NAALADL2: variants seen among roughly 807,000 people sequenced by gnomAD.
NAALADL2 encodes N-acetylated alpha-linked acidic dipeptidase like 2.
Under a neutral mutation model 87.2 loss-of-function variants are expected in NAALADL2, and 76 were observed. The ratio of observed to expected loss-of-function variants is 0.87; its 90% CI spans 0.72 to 1.05. The LOEUF (loss-of-function observed/expected upper bound fraction) is 1.05, where lower values mean the gene tolerates loss of function less well. NAALADL2 is among the 50% of genes least tolerant of loss of function. The pLI is 0.00. For missense variants in NAALADL2, 1,089 were observed against 945.8 expected, an observed-to-expected ratio of 1.15 and a Z score of -1.99; for synonymous variants, 354 against 331.0, an observed-to-expected ratio of 1.07 and a Z score of -0.75.
intron 13 of NAALADL2, among the ~76,000 whole-genome samples, chr3:175,780,059 T>G (rs906211219): frequency 1.9e-4 from 29 of 151,056 alleles, no homozygotes; most frequent in Non-Finnish European, 3.2e-4. Context: ...ACGAGGTCAG[T>G]AGATCGAGAC....
At chr3:175,475,445 C>A (rs1489377564) in intron 9 of NAALADL2, among the ~76,000 whole-genome samples, 5 of 152,108 alleles carry the variant, frequency 3.3e-5, no homozygotes, top group Non-Finnish European at 7.4e-5. Context: ...TTTTCTAGAT[C>A]ACAGAATGTA....
intron 1 of NAALADL2, among the ~76,000 whole-genome samples, chr3:174,894,436 CA>C (rs925362233): frequency 6.6e-6 from 1 of 150,402 alleles, no homozygotes; most frequent in Admixed American, 6.6e-5. Flanking sequence ...GCTAAAAATA[CA>C]AAAAAAATTA....
chr3:174,556,298 T>C (rs1712810305), intron 2 of NAALADL2, among the ~76,000 whole-genome samples: 1 of 152,246 alleles, frequency 6.6e-6, no homozygotes, highest in South Asian at 2.1e-4. Context: ...CTTATATGAG[T>C]AAAGATCCTG....
chr3:175,157,872 C>T (rs1019270877), intron 2 of NAALADL2, among the ~76,000 whole-genome samples: 1 of 152,012 alleles, frequency 6.6e-6, no homozygotes, highest in African/African-American at 2.4e-5. Context: ...ATACAGAATT[C>T]ATTTCCTACC....
At chr3:175,137,811 A>T (rs531870503) in intron 2 of NAALADL2, among the ~76,000 whole-genome samples, 1 of 151,698 alleles carries the variant, frequency 6.6e-6, no homozygotes, top group Non-Finnish European at 1.5e-5. Context: ...TTTAATAGAG[A>T]TGGGGTTTCG....
At chr3:174,613,855 G>T (rs913337547) in intron 2 of NAALADL2, among the ~76,000 whole-genome samples, 1 of 152,190 alleles carries the variant, frequency 6.6e-6, no homozygotes, top group African/African-American at 2.4e-5. Context: ...CCTGGGTATT[G>T]CTGCTGGTTA....
intron 1 of NAALADL2, among the ~76,000 whole-genome samples, chr3:174,522,473 T>A (rs1720363014): frequency 6.6e-6 from 1 of 151,808 alleles, no homozygotes; most frequent in African/African-American, 2.4e-5. Flanking sequence ...CCAGCTTGGA[T>A]AACATAGACT....
intron 11 of NAALADL2, among the ~76,000 whole-genome samples, chr3:175,633,151 T>C (rs1174910941): frequency 6.6e-6 from 1 of 152,076 alleles, no homozygotes; most frequent in African/African-American, 2.4e-5. Context: ...AAAAGAGTAT[T>C]CACCCAATCA....
At chr3:174,471,956 T>C (rs1383284374) in intron 1 of NAALADL2, among the ~76,000 whole-genome samples, 3 of 152,158 alleles carry the variant, frequency 2.0e-5, no homozygotes, top group African/African-American at 7.2e-5. Context: ...TCCTTTTATA[T>C]GATCTCACAA....
chr3:175,034,239 A>T (rs563166621), intron 1 of NAALADL2, among the ~76,000 whole-genome samples: 4 of 152,162 alleles, frequency 2.6e-5, no homozygotes, highest in South Asian at 2.1e-4. Flanking sequence ...CTGCTTTTTT[A>T]AAAAAAGCTT....
At chr3:174,860,622 T>C (rs190313407) in intron 1 of NAALADL2, among the ~76,000 whole-genome samples, 47 of 152,246 alleles carry the variant, frequency 3.1e-4, no homozygotes, top group African/African-American at 1.1e-3. Context: ...TTACATTAAA[T>C]GTTTATTACT....
At chr3:174,964,189 A>C (rs1742545529) in intron 1 of NAALADL2, among the ~76,000 whole-genome samples, 1 of 152,138 alleles carries the variant, frequency 6.6e-6, no homozygotes, top group Non-Finnish European at 1.5e-5. Context: ...GCCTGGCACC[A>C]TTTAAAGCAC....
intron 2 of NAALADL2, among the ~76,000 whole-genome samples, chr3:174,699,837 C>T (rs1380073931): frequency 3.0e-4 from 38 of 124,974 alleles, no homozygotes; most frequent in Admixed American, 5.6e-4. Context: ...TTTTAAGATG[C>T]TTTTTTTTTT....
chr3:175,288,490 G>GAAAAT (rs753468843), intron 4 of NAALADL2, among the ~76,000 whole-genome samples: 2 of 152,108 alleles, frequency 1.3e-5, no homozygotes, highest in African/African-American at 4.8e-5. Context: ...AGCATTTAAG[G>GAAAAT]AAAATATGCA....
chr3:175,140,938 T>G (rs942322354), intron 2 of NAALADL2, among the ~76,000 whole-genome samples: 1 of 152,084 alleles, frequency 6.6e-6, no homozygotes, highest in Non-Finnish European at 1.5e-5. Context: ...GGGCAAGGAA[T>G]TATGGGGCAG....
chr3:175,257,774 CAA>C (rs921705029), intron 4 of NAALADL2, among the ~76,000 whole-genome samples: 2 of 151,364 alleles, frequency 1.3e-5, no homozygotes, highest in African/African-American at 4.9e-5. Context: ...CCTCATAAAT[CAA>C]AAAAAAGATC....
At chr3:175,334,782 GGA>G in intron 5 of NAALADL2, among the ~76,000 whole-genome samples, 1 of 152,232 alleles carries the variant, frequency 6.6e-6, no homozygotes, top group South Asian at 2.1e-4. Context: ...TGGAAAACAG[GGA>G]GCACAGCAGG....
At chr3:175,025,139 T>A (rs1752054604) in intron 1 of NAALADL2, among the ~76,000 whole-genome samples, 2 of 152,156 alleles carry the variant, frequency 1.3e-5, no homozygotes, top group South Asian at 4.1e-4. Context: ...CTGATTATTT[T>A]TAAAAATTGT....
chr3:174,534,716 T>C (rs1213260230), intron 1 of NAALADL2, among the ~76,000 whole-genome samples: 1 of 152,200 alleles, frequency 6.6e-6, no homozygotes, highest in African/African-American at 2.4e-5. Flanking sequence ...GCCATTATGT[T>C]TGAGTCTAAT....
Sources: allele counts gnomAD v4.1 joint callset (sites outside exome capture counted in the v4.1 genomes callset), GRCh38; gene constraint gnomAD v4.1.1; transcripts MANE v1.5; gene names NCBI Gene and HGNC (gene_info 2026-07-23, HGNC 2026-07-21).